The following COL1A1 variants were observed in gnomAD, a reference collection of about 807,000 sequenced individuals.
The protein encoded by COL1A1 is collagen type I alpha 1 chain.
Under a neutral mutation model 195.7 loss-of-function variants are expected in COL1A1, and 21 were observed. The observed-to-expected ratio is 0.11, with a 90% confidence interval of 0.08 to 0.15. COL1A1 has a LOEUF of 0.15. COL1A1 is among the 10% of genes least tolerant of loss of function. COL1A1 has a pLI of 1.00. For synonymous variants in COL1A1, 749 were observed against 747.3 expected (o/e 1.00, Z -0.04); for missense variants, 1,365 against 2,051.0 (o/e 0.67, Z 6.46).
chr17:50,197,039 C>A lies in COL1A1; in HGVS notation c.775G>T (p.Ala259Ser). ...PQGARGLPGT[A>S]GLPGMKGHRG... ...TGTCCCTTCATTCCAGGGAGGCCAG[C>A]TGTTCCGGGCAATCCTCGAGCACCC... Residue 259 changes from alanine (A) to serine (S), a missense_variant, in exon 11 of 51, where the codon GCT becomes TCT. Around this residue, in one of 5 missense-constraint regions of COL1A1, gnomAD observed 226 missense variants for 372.9 expected, o/e 0.61. Coordinates refer to ENST00000225964, the MANE Select transcript of COL1A1 (RefSeq NM_000088.4). 1 of 1,614,094 alleles carries A rather than the reference C, an allele frequency of 6.2e-7. No homozygotes were observed. The highest frequency in any genetic ancestry group is 8.5e-7 in the Non-Finnish European group (1 of 1,179,980).
In COL1A1 at chr17:50,186,002, C is replaced by T. The variant is rs773753538; in HGVS notation, c.4024G>A (p.Gly1342Ser). ...ATGGCCACATCGGCAGGGTCGGAGC[C>T]CTGGCCGCCATACTCGAACTGCAGG... ...DGFQFEYGGQ[G>S]SDPADVAIQL... Residue 1342 changes from glycine (G) to serine (S), a missense_variant, in exon 50 of 51, where the codon GGC becomes AGC. Around this residue, in one of 5 missense-constraint regions of COL1A1, gnomAD observed 273 missense variants for 338.6 expected, o/e 0.81. Transcript: ENST00000225964. The surrounding 1 kb of genome is among the most constrained non-coding windows in gnomAD (Gnocchi z 5.3). 6 of 1,612,284 alleles carry T rather than the reference C, an allele frequency of 3.7e-6. No homozygotes were observed. In the African/African-American group the frequency reaches 6.7e-5, roughly 18 times the overall value.
chr17:50,196,042 A>T (rs1164185536), intron 15 of COL1A1, 66 bp from the exon 16 acceptor site: 2 of 1,601,530 alleles, frequency 1.2e-6, no homozygotes, highest in Non-Finnish European at 1.7e-6. Flanking sequence ...ACCCTGGGAC[A>T]GAGGAAGTCC....
At position 50,191,974 on chromosome 17, in the gene COL1A1, A is replaced by T; in HGVS notation, c.2028+6T>A. ...TTGACGGATGCAGCGAGAGAGGCCT[A>T]CTTACTCTTGCTCCAGAGGGGCCAG... On this transcript the variant is annotated splice_donor_region_variant and intron_variant, in intron 30 of 50. Transcript: ENST00000225964. The T allele has an allele frequency of 6.2e-7, 1 of 1,611,984 alleles. No individual in the cohort carries two copies. Among genetic ancestry groups the T allele is most frequent in the South Asian group, 1.1e-5 (1 of 90,568 alleles).
chr17:50,192,787 G>T lies in COL1A1; in HGVS notation c.1875+10C>A. 1.2e-6 allele frequency: 2 copies of T among 1,614,016 alleles called. No individual in the cohort carries two copies. Among genetic ancestry groups the T allele is most frequent in the Non-Finnish European group, 1.7e-6 (2 of 1,180,008 alleles). ...TCTGCTCCCCAGATCTCCCCATCAG[G>T]GACACTCACAGCAGGGCCAGGGGGT... On this transcript the variant is annotated intron_variant, in intron 27 of 50. Transcript: ENST00000225964.
intron 25 of COL1A1, 27 bp downstream of exon 25, chr17:50,193,916 C>G (rs1199117249): frequency 1.2e-6 from 2 of 1,603,852 alleles, no homozygotes; most frequent in Non-Finnish European, 1.7e-6. Flanking sequence ...GTCCCTGGCT[C>G]TTCATGGATC....
Position 50,201,351 on chromosome 17 carries a change from G to C in COL1A1, c.103+60C>G, listed in dbSNP as rs1020082467. 2.0e-6 allele frequency: 3 copies of C among 1,521,356 alleles called. No individual in the cohort carries two copies. The African/African-American group carries it at 4.1e-5, about 21-fold the overall frequency. The allele number at this position is 1,521,356 out of a possible 1,614,324, so 94.2% of individuals were successfully genotyped here. On this transcript the variant is annotated intron_variant, in intron 1 of 50. Transcript: ENST00000225964. ...CGTCTCGTTTTAAGCCGCGGCCCCC[G>C]GGACCAAGCGCAAGGCGCGATATAG...
intron 1 of COL1A1, 145 bp from the exon 2 acceptor site, chr17:50,200,092 G>T: frequency 2.2e-6 from 2 of 910,272 alleles, no homozygotes; most frequent in East Asian, 2.6e-5. Context: ...TTAAAAGCTC[G>T]CCTGCTCCTC....
chr17:50,197,257 C>A, intron 9 of COL1A1, 24 bp from the exon 10 acceptor site: 3 of 1,611,832 alleles, frequency 1.9e-6, no homozygotes, highest in Non-Finnish European at 2.5e-6. Context: ...AAAAGACCAT[C>A]ATGCCTCTGC....
At position 50,195,831 on chromosome 17, in the gene COL1A1, T is replaced by G; in HGVS notation, c.1056+92A>C. 1 of 1,480,652 alleles carries G rather than the reference T, an allele frequency of 6.8e-7. No homozygotes were observed. The highest frequency in any genetic ancestry group is 9.2e-7 in the Non-Finnish European group (1 of 1,082,638). The allele number at this position is 1,480,652 out of a possible 1,614,324, so 91.7% of individuals were successfully genotyped here. On this transcript the variant is annotated intron_variant, in intron 16 of 50. Transcript: ENST00000225964. The surrounding 1 kb of genome is among the most constrained non-coding windows in gnomAD (Gnocchi z 4.3). ...GGTGTTAGTGAACGGGCTGCTCTCT[T>G]GCCACTCTGGGTCCCTTTGGTTTGG...
chr17:50,190,290 G>T lies in COL1A1; in HGVS notation c.2451+37C>A. 1 of 1,500,188 alleles carries T rather than the reference G, an allele frequency of 6.7e-7. No homozygotes were observed. Among genetic ancestry groups the T allele is most frequent in the Non-Finnish European group, 9.3e-7 (1 of 1,076,488 alleles). The allele number at this position is 1,500,188 out of a possible 1,614,324, so 92.9% of individuals were successfully genotyped here. On this transcript the variant is annotated intron_variant, in intron 35 of 50. Coordinates refer to ENST00000225964, the MANE Select transcript of COL1A1 (RefSeq NM_000088.4). The surrounding 1 kb of genome is among the most constrained non-coding windows in gnomAD (Gnocchi z 4.7). ...CCGTCCCTCGAGGTCCCAGGTCCCA[G>T]TCGGTGATGAAAAATGATGGGGGTC... is the stretch of plus-strand genomic sequence containing the variant.
Position 50,186,866 on chromosome 17 carries a change from G to A in COL1A1, c.3588C>T (p.Phe1196=), listed in dbSNP as rs748086214. ...GTGGCTGGGGCAGGAAGCTGAAGTC[G>A]AAACCAGCGCTGGGAGGACCAGGGG... ...PGPPGPPSAG[F]DFSFLPQPPQ... Residue 1196 remains phenylalanine, a synonymous_variant, in exon 48 of 51, where the codon TTC becomes TTT. Transcript: ENST00000225964. This position sits in a 1 kb window ranked among gnomAD's most constrained non-coding sequence, Gnocchi z 5.3. 2.2e-5 allele frequency: 35 copies of A among 1,613,956 alleles called. No homozygotes were observed. Among genetic ancestry groups the A allele is most frequent in the African/African-American group, 1.2e-4 (9 of 74,932 alleles).
Position 50,195,006 on chromosome 17 carries a change from AG to A in COL1A1, c.1353+40del. On this transcript the variant is annotated intron_variant, in intron 20 of 50. Coordinates refer to ENST00000225964, the MANE Select transcript of COL1A1 (RefSeq NM_000088.4). This position sits in a 1 kb window ranked among gnomAD's most constrained non-coding sequence, Gnocchi z 4.3. ...ATTTCCCTCAGGGGGCTCCTAGGGCAGGGTGGGCTGGGCTGCAAGAAGGATG... is the reference window on the plus strand; with the variant it reads ...ATTTCCCTCAGGGGGCTCCTAGGGCAGGTGGGCTGGGCTGCAAGAAGGATG... 1 of 1,384,704 alleles carries A rather than the reference AG, an allele frequency of 7.2e-7. No homozygotes were observed. Among genetic ancestry groups the A allele is most frequent in the Non-Finnish European group, 9.9e-7 (1 of 1,012,898 alleles). 85.8% of individuals were successfully genotyped at this position (1,384,704 alleles called of 1,614,324 possible). A position where few individuals can be genotyped will look rare whatever the true frequency, so the allele number is the denominator to read the frequency against.
In COL1A1 at chr17:50,187,992, G is replaced by A; in HGVS notation, c.3262-9C>T. Reference sequence around the variant, plus strand: ...CGGGGGCCTTGGGGTCCCTAGAAGAGAGAAAGGGACAAACTGTCAGGCGGA... The same window carrying A: ...CGGGGGCCTTGGGGTCCCTAGAAGAAAGAAAGGGACAAACTGTCAGGCGGA... On this transcript the variant is annotated splice_polypyrimidine_tract_variant and intron_variant, in intron 44 of 50. Transcript: ENST00000225964. The A allele has an allele frequency of 6.2e-7, 1 of 1,614,072 alleles. No homozygotes were observed. Among genetic ancestry groups the A allele is most frequent in the South Asian group, 1.1e-5 (1 of 91,082 alleles).
At position 50,185,202 on chromosome 17, in the gene COL1A1, T is replaced by G. The variant is rs1906372652; in HGVS notation, c.*300A>C. On this transcript the variant is annotated 3_prime_UTR_variant, in exon 51 of 51. Transcript: ENST00000225964. Reference sequence around the variant, plus strand: ...GGGCAGAAAGGGACTTACCCCCGCATGGGTCTTCAAGCAAGTGGACCAAGC... The same window carrying G: ...GGGCAGAAAGGGACTTACCCCCGCAGGGGTCTTCAAGCAAGTGGACCAAGC... 1 of 391,342 alleles carries G rather than the reference T, an allele frequency of 2.6e-6. No homozygotes were observed. The highest frequency in any genetic ancestry group is 4.6e-6 in the Non-Finnish European group (1 of 215,752). 24.2% of individuals were successfully genotyped at this position (391,342 alleles called of 1,614,324 possible). A position where few individuals can be genotyped will look rare whatever the true frequency, so the allele number is the denominator to read the frequency against.
chr17:50,192,374 C>G lies in COL1A1; in HGVS notation c.1983+101G>C, dbSNP rs1907175204. On this transcript the variant is annotated intron_variant, in intron 29 of 50. Coordinates refer to ENST00000225964, the MANE Select transcript of COL1A1 (RefSeq NM_000088.4). ...GGAAGTTCTTTCCGGCGTCTAACCTCAATCCCTCTAGTTGATGGCTGTCTG... is the reference window on the plus strand; with the variant it reads ...GGAAGTTCTTTCCGGCGTCTAACCTGAATCCCTCTAGTTGATGGCTGTCTG... 4.4e-6 allele frequency: 6 copies of G among 1,356,174 alleles called. No homozygotes were observed. In the South Asian group the frequency reaches 5.0e-5, roughly 11 times the overall value. 84.0% of individuals were successfully genotyped at this position (1,356,174 alleles called of 1,614,324 possible).
intron 13 of COL1A1, 36 bp from the exon 14 acceptor site, chr17:50,196,403 G>GA: frequency 6.2e-7 from 1 of 1,614,064 alleles, no homozygotes. Context: ...GATGAGATGG[G>GA]AGACAGCCTT....
Position 50,193,023 on chromosome 17 carries a change from G to A in COL1A1, c.1792C>T (p.Arg598Ter), listed in dbSNP as rs72651614. 6.2e-7 allele frequency: 1 copy of A among 1,614,056 alleles called. No homozygotes were observed. Among genetic ancestry groups the A allele is most frequent in the Non-Finnish European group, 8.5e-7 (1 of 1,180,006 alleles). The change falls in exon 26 of 51, where the codon CGA (arginine) becomes TGA (stop). Residue 598 changes from arginine (R) to a stop codon, truncating the protein, a stop_gained. Transcript: ENST00000225964. LOFTEE classifies it high-confidence loss of function. ...GCGCCAGGGGGTCCGGGAACACCTCGCTCTCCAGCCTTGCCGGGCTCTCCC... is the reference window on the plus strand; with the variant it reads ...GCGCCAGGGGGTCCGGGAACACCTCACTCTCCAGCCTTGCCGGGCTCTCCC... Reference protein sequence around the residue: ...AAGEPGKAGERGVPGPPGAVG... With the variant: ...AAGEPGKAGE
At position 50,185,558 on chromosome 17, in the gene COL1A1, C is replaced by A. The variant is rs367952133; in HGVS notation, c.4339G>T (p.Val1447Phe). ...LPIIDVAPLD[V>F]GAPDQEFGFD... ...CCGAATTCCTGGTCTGGGGCACCAA[C>A]GTCCAAGGGGGCCACATCGATGATG... The change falls in exon 51 of 51, where the codon GTT becomes TTT. Residue 1447 changes from valine (V) to phenylalanine (F), a missense_variant. Physicochemically the swap from Val to Phe is conservative, Grantham distance 50. This residue lies in a region of COL1A1 where 273 missense variants were observed against 338.6 expected (regional missense o/e 0.81). Transcript: ENST00000225964. 1.9e-6 allele frequency: 3 copies of A among 1,613,462 alleles called. No homozygotes were observed. Among genetic ancestry groups the A allele is most frequent in the East Asian group, 4.5e-5 (2 of 44,836 alleles).
chr17:50,192,332 C>T, intron 29 of COL1A1, 143 bp downstream of exon 29: 1 of 965,972 alleles, frequency 1.0e-6, no homozygotes. Flanking sequence ...TCCCTCTGTG[C>T]TGCTCCCTTC....
Sources: allele counts gnomAD v4.1 joint callset, GRCh38; gene constraint gnomAD v4.1.1; regional missense constraint gnomAD v4.1.1; non-coding constraint Gnocchi (gnomAD v3.1); transcripts MANE v1.5; gene names NCBI Gene and HGNC (gene_info 2026-07-23, HGNC 2026-07-21).